Variants in PTDSS2 observed in about 807,000 individuals in gnomAD.
PTDSS2 encodes the protein phosphatidylserine synthase 2.
In PTDSS2, 41 loss-of-function variants were observed where a neutral mutation model predicts 64.7. The observed-to-expected ratio is 0.63, with a 90% CI of 0.49 to 0.82. PTDSS2 has a LOEUF of 0.82. Among genes scored for constraint, PTDSS2 ranks in the 40% least tolerant of loss-of-function variants. The pLI is 0.00. For missense variants in PTDSS2, 485 were observed against 650.0 expected (o/e 0.75, Z 2.76); for synonymous variants, 297 against 277.8 (o/e 1.07, Z -0.69).
At chr11:482,761 C>G (rs908707591) in intron 4 of PTDSS2, among the ~76,000 whole-genome samples, 31 of 138,130 alleles carry the variant, frequency 2.2e-4, no homozygotes, top group South Asian at 1.4e-3. Flanking sequence ...CTACCGAGTG[C>G]AGAAAGTTCT....
At chr11:488,333 C>T (rs10128578) in intron 7 of PTDSS2, 21 bp downstream of exon 7, 37,416 of 1,581,204 alleles carry the variant, frequency 0.024, 534 homozygotes, top group South Asian at 0.03. Context: ...GCACAGCCCC[C>T]GGGGCAGTCG....
At chr11:478,236 A>C (rs1254572351) in intron 3 of PTDSS2, among the ~76,000 whole-genome samples, 1 of 152,096 alleles carries the variant, frequency 6.6e-6, no homozygotes, top group Non-Finnish European at 1.5e-5. Context: ...GATTTTTTTA[A>C]CATGATAAAA....
chr11:471,576 G>A (rs1847434967), intron 2 of PTDSS2, among the ~76,000 whole-genome samples: 1 of 152,002 alleles, frequency 6.6e-6, no homozygotes, highest in South Asian at 2.1e-4. Context: ...TCGGGCGGAG[G>A]GCGGCCTGGG....
At chr11:486,525 G>T (rs1848396961) in intron 4 of PTDSS2, among the ~76,000 whole-genome samples, 1 of 152,190 alleles carries the variant, frequency 6.6e-6, no homozygotes, top group Non-Finnish European at 1.5e-5. Flanking sequence ...CCCTCCTCCA[G>T]GGTGACTGAG....
At chr11:486,134 C>T (rs541686710) in intron 4 of PTDSS2, among the ~76,000 whole-genome samples, 2 of 152,328 alleles carry the variant, frequency 1.3e-5, no homozygotes, top group Admixed American at 6.5e-5. Flanking sequence ...GCACAGGTGT[C>T]TGTAAATGAT....
chr11:489,396 C>A lies in PTDSS2; in HGVS notation c.855-4C>A, dbSNP rs1848559560. Reference sequence around the variant, plus strand: ...CCTCAGGCTGCCGGCTCTGTGGTTCCCAGGGGCAAGATGAAGAGGATCGCC... The same window carrying A: ...CCTCAGGCTGCCGGCTCTGTGGTTCACAGGGGCAAGATGAAGAGGATCGCC... On this transcript the variant is annotated splice_polypyrimidine_tract_variant and splice_region_variant and intron_variant, in intron 8 of 11. Coordinates refer to ENST00000308020, the MANE Select transcript of PTDSS2 (RefSeq NM_030783.3). The A allele has an allele frequency of 1.9e-6, 3 of 1,612,158 alleles. No individual in the cohort carries two copies. Among genetic ancestry groups the A allele is most frequent in the South Asian group, 1.1e-5 (1 of 91,062 alleles).
intron 4 of PTDSS2, among the ~76,000 whole-genome samples, chr11:486,056 C>T (rs898814632): frequency 3.9e-5 from 6 of 152,020 alleles, no homozygotes; most frequent in Non-Finnish European, 7.4e-5. Context: ...AGTGCACGGG[C>T]GTGTGTGTTC....
chr11:465,225 C>CTT (rs1446129816), intron 2 of PTDSS2, among the ~76,000 whole-genome samples: 1 of 152,244 alleles, frequency 6.6e-6, no homozygotes, highest in East Asian at 1.9e-4. Flanking sequence ...GGGTCTTGCT[C>CTT]TGTCACCCAC....
Position 470,503 on chromosome 11 carries a change from G to A in PTDSS2, c.285-3392G>A, listed in dbSNP as rs1052466541. Among the ~76,000 whole-genome samples the A allele has an allele frequency of 9.8e-5, 15 of 152,312 alleles. No individual in the cohort carries two copies. The highest frequency in any genetic ancestry group is 7.8e-4 in the Admixed American group (12 of 15,304). ...AGAGATTGTTGGGGGCGGGGCAGGG[G>A]GAAGGACATCAGGGGAGAGCGAAGG... On this transcript the variant is annotated intron_variant, in intron 2 of 11. Transcript: ENST00000308020. The surrounding 1 kb of genome is among the most constrained non-coding windows in gnomAD (Gnocchi z 5.3).
chr11:451,910 G>T lies in PTDSS2; in HGVS notation c.182+1273G>T, dbSNP rs527685216. Reference sequence around the variant, plus strand: ...GGAGATGAGTGTACCGGGTGGCTGCGGGGCCCTCGGGAGGGAGAGGAGATG... The same window carrying T: ...GGAGATGAGTGTACCGGGTGGCTGCTGGGCCCTCGGGAGGGAGAGGAGATG... On this transcript the variant is annotated intron_variant, in intron 1 of 11. Transcript: ENST00000308020. Among the ~76,000 whole-genome samples, 9 of 152,284 alleles carry T rather than the reference G, an allele frequency of 5.9e-5. No individual in the cohort carries two copies. In the South Asian group the frequency reaches 6.2e-4, roughly 11 times the overall value.
intron 1 of PTDSS2, chr11:459,217 C>T (rs113062725): frequency 4.3e-3 from 7 of 1,626 alleles, no homozygotes; most frequent in African/African-American, 0.026. Context: ...GACGTGAGGA[C>T]ACACTCCGGT....
intron 4 of PTDSS2, among the ~76,000 whole-genome samples, chr11:485,236 C>CAG (rs57782783): frequency 0.029 from 3,404 of 117,626 alleles, 182 homozygotes; most frequent in African/African-American, 0.11. Context: ...CGAGTGTAAA[C>CAG]TGCACGGGCG....
rs983452303 is a variant in PTDSS2 at position 462,453 on chromosome 11, G to A, written c.284+2165G>A. ...AGGTTCTGTTCTGGGGACACTAAAC[G>A]CGCTCCCAACTCACATTCTCTTTCC... On this transcript the variant is annotated intron_variant, in intron 2 of 11. Transcript: ENST00000308020. The surrounding 1 kb of genome is among the most constrained non-coding windows in gnomAD (Gnocchi z 4.5). Among the ~76,000 whole-genome samples the A allele has an allele frequency of 1.2e-4, 18 of 152,172 alleles. No individual in the cohort carries two copies. The highest frequency in any genetic ancestry group is 3.2e-3 in the Middle Eastern group (1 of 316).
chr11:474,158 C>G (rs1412634453), intron 3 of PTDSS2, among the ~76,000 whole-genome samples, 181 bp downstream of exon 3: 37 of 152,204 alleles, frequency 2.4e-4, no homozygotes, highest in Admixed American at 2.4e-3. Flanking sequence ...CCGTGTGCTC[C>G]TCCTCCAACC....
intron 4 of PTDSS2, among the ~76,000 whole-genome samples, chr11:484,380 CTGAATAT>C (rs1294580397): frequency 6.6e-6 from 1 of 152,212 alleles, no homozygotes; most frequent in Admixed American, 6.5e-5. Context: ...TGGGTCCTTA[CTGAATAT>C]TAGGAACTGA....
upstream of PTDSS2, among the ~76,000 whole-genome samples, chr11:448,638 C>T (rs1232458326): frequency 6.6e-6 from 1 of 152,236 alleles, no homozygotes; most frequent in Non-Finnish European, 1.5e-5. Flanking sequence ...CAGCGCCTCC[C>T]GCACTGCCCA....
chr11:481,744 G>A (rs1014816046), intron 4 of PTDSS2, among the ~76,000 whole-genome samples: 3 of 152,042 alleles, frequency 2.0e-5, no homozygotes, highest in Admixed American at 6.5e-5. Flanking sequence ...GTGGTGTTTT[G>A]GGGTAGACTC....
chr11:478,838 G>A (rs1382883901), intron 3 of PTDSS2, among the ~76,000 whole-genome samples: 1 of 152,222 alleles, frequency 6.6e-6, no homozygotes, highest in Non-Finnish European at 1.5e-5. Context: ...GACTGCTTCT[G>A]TGCAACAATT....
At position 487,455 on chromosome 11, in the gene PTDSS2, T is replaced by A. The variant is rs150004332; in HGVS notation, c.606T>A (p.Leu202=). The A allele has an allele frequency of 1.0e-4, 166 of 1,613,968 alleles. 1 individual carries two copies. The African/African-American group carries it at 2.2e-3, about 21-fold the overall frequency. Residue 202 remains leucine (L), a synonymous_variant, in exon 6 of 12, where the codon CTT becomes CTA. Transcript: ENST00000308020. ...KLDGFVPAHF[L]GWYLKTLMIR... The stretch of plus-strand genomic sequence containing the variant: ...ATGGCTTTGTTCCCGCGCACTTTCT[T>A]GGCTGGTACCTGAAGGTACGGCACC...
Sources: allele counts gnomAD v4.1 joint callset (sites outside exome capture counted in the v4.1 genomes callset), GRCh38; gene constraint gnomAD v4.1.1; non-coding constraint Gnocchi (gnomAD v3.1); transcripts MANE v1.5; gene names NCBI Gene and HGNC (gene_info 2026-07-23, HGNC 2026-07-21).